Variants in RORA observed in about 807,000 individuals in gnomAD.
RORA encodes nuclear receptor ROR-alpha.
Under a neutral mutation model 69.5 loss-of-function variants are expected in RORA, and 7 were observed. The observed-to-expected ratio is 0.10, with a 90% confidence interval of 0.06 to 0.19. The LOEUF is 0.19. Among genes scored for constraint, RORA ranks in the 10% least tolerant of loss-of-function variants. The probability of loss-of-function intolerance (pLI) is 1.00; values close to 1 mark genes in which losing one functional copy is unlikely to be tolerated. For synonymous variants in RORA, 261 were observed against 240.8 expected (o/e 1.08, Z -0.78); for missense variants, 457 against 663.0 (o/e 0.69, Z 3.41).
At chr15:61,177,773 C>T (rs2079643700) in intron 1 of RORA, among the ~76,000 whole-genome samples, 1 of 152,010 alleles carries the variant, frequency 6.6e-6, no homozygotes, top group Non-Finnish European at 1.5e-5. Context: ...CCAGCCTGAT[C>T]AAGATGGTGA....
chr15:60,630,792 C>A (rs1197540781), intron 2 of RORA, among the ~76,000 whole-genome samples: 3 of 152,094 alleles, frequency 2.0e-5, no homozygotes, highest in Non-Finnish European at 4.4e-5. Flanking sequence ...CCTGTCCAAG[C>A]CCTTCATTTG....
At chr15:60,516,107 ATTATAT>A (rs2065911009) in intron 3 of RORA, among the ~76,000 whole-genome samples, 1 of 61,506 alleles carries the variant, frequency 1.6e-5, no homozygotes, top group African/African-American at 5.7e-5. Context: ...ATATTTATAT[ATTATAT>A]TATATATATT....
At chr15:60,507,567 A>C (rs1281444689) in intron 5 of RORA, among the ~76,000 whole-genome samples, 1 of 152,242 alleles carries the variant, frequency 6.6e-6, no homozygotes, top group Admixed American at 6.5e-5. Flanking sequence ...AGAGTGAGAG[A>C]GAGAAGCCAG....
intron 1 of RORA, among the ~76,000 whole-genome samples, chr15:60,852,033 T>G (rs1487609700): frequency 6.6e-6 from 1 of 152,210 alleles, no homozygotes; most frequent in Non-Finnish European, 1.5e-5. Context: ...CAAGCAACAC[T>G]ATTGTGACTT....
intron 1 of RORA, among the ~76,000 whole-genome samples, chr15:60,756,883 C>A (rs993557286): frequency 1.2e-4 from 19 of 152,176 alleles, no homozygotes; most frequent in African/African-American, 4.1e-4. Context: ...TCATTTCTTA[C>A]ATAATTAAAG....
chr15:60,636,304 C>A (rs574463543), intron 2 of RORA, among the ~76,000 whole-genome samples: 1 of 152,112 alleles, frequency 6.6e-6, no homozygotes, highest in Non-Finnish European at 1.5e-5. Context: ...TGCTTACATT[C>A]CCCTGGCTTT....
chr15:60,822,252 A>T lies in RORA; in HGVS notation c.167-143566T>A, dbSNP rs113856262. ...CCTAGTTCAAGAGCCTCATTTTGCA[A>T]AGGAAGAAGTTGTAGCCCAAGGAGT... On this transcript the variant is annotated intron_variant, in intron 1 of 10. Transcript: ENST00000335670. 1.5e-3 allele frequency among the ~76,000 whole-genome samples: 235 copies of T among 152,278 alleles called. 3 individuals are homozygous for T. Among genetic ancestry groups the T allele is most frequent in the African/African-American group, 5.3e-3 (221 of 41,554 alleles).
chr15:60,869,447 T>C (rs2073528012), intron 1 of RORA, among the ~76,000 whole-genome samples: 1 of 152,186 alleles, frequency 6.6e-6, no homozygotes, highest in Non-Finnish European at 1.5e-5. Context: ...GTCTCAATAA[T>C]GCAGGGCATG....
At chr15:60,870,335 G>A (rs2073541105) in intron 1 of RORA, among the ~76,000 whole-genome samples, 1 of 152,200 alleles carries the variant, frequency 6.6e-6, no homozygotes, top group African/African-American at 2.4e-5. Context: ...ACCAGAGAGT[G>A]AAAAGTGCAC....
chr15:61,193,774 A>G (rs1452717891), intron 1 of RORA, among the ~76,000 whole-genome samples: 3 of 152,196 alleles, frequency 2.0e-5, no homozygotes, highest in African/African-American at 7.2e-5. Flanking sequence ...GAGAGGCTCA[A>G]TCATTTTCTC....
At chr15:60,625,887 C>A (rs1232325763) in intron 2 of RORA, among the ~76,000 whole-genome samples, 2 of 152,156 alleles carry the variant, frequency 1.3e-5, no homozygotes, top group Non-Finnish European at 2.9e-5. Context: ...ACCTATGTGT[C>A]CTATTCAGAA....
At chr15:60,946,780 G>C (rs1203312149) in intron 1 of RORA, among the ~76,000 whole-genome samples, 4 of 151,936 alleles carry the variant, frequency 2.6e-5, no homozygotes, top group African/African-American at 9.7e-5. Context: ...TCTGGGAAGT[G>C]AGGAGCACCT....
At chr15:60,903,648 G>A (rs16943299) in intron 1 of RORA, among the ~76,000 whole-genome samples, 10,855 of 152,118 alleles carry the variant, frequency 0.071, 781 homozygotes, top group East Asian at 0.19. Flanking sequence ...ATTTTACACC[G>A]TGCTAGCCCA....
chr15:61,066,225 C>G (rs980275816), intron 1 of RORA, among the ~76,000 whole-genome samples: 1 of 152,038 alleles, frequency 6.6e-6, no homozygotes, highest in Non-Finnish European at 1.5e-5. Context: ...GGTAGACAGG[C>G]ATTGTGGAAC....
chr15:60,696,595 A>C (rs1317343601), intron 1 of RORA, among the ~76,000 whole-genome samples: 4 of 152,092 alleles, frequency 2.6e-5, no homozygotes, highest in African/African-American at 9.7e-5. Context: ...GACAGTCTAC[A>C]TGGCTCATAT....
intron 1 of RORA, among the ~76,000 whole-genome samples, chr15:61,202,071 G>A (rs562971945): frequency 2.7e-5 from 4 of 148,646 alleles, no homozygotes; most frequent in East Asian, 4.0e-4. Context: ...GCAGTGGTGC[G>A]ATCTCAGCTT....
chr15:60,609,699 G>T (rs546034302), intron 2 of RORA, among the ~76,000 whole-genome samples: 1 of 152,138 alleles, frequency 6.6e-6, no homozygotes, highest in East Asian at 1.9e-4. Flanking sequence ...CATGATACAC[G>T]AATCCTCATC....
At chr15:61,103,833 G>C (rs772540174) in intron 1 of RORA, among the ~76,000 whole-genome samples, 1 of 151,758 alleles carries the variant, frequency 6.6e-6, no homozygotes, top group Non-Finnish European at 1.5e-5. Flanking sequence ...AATGTGCCCT[G>C]CCACTTGGAC....
rs147833244 is a variant in RORA, at chr15:60,859,156, C to A, written c.167-180470G>T. On this transcript the variant is annotated intron_variant, in intron 1 of 10. Coordinates refer to ENST00000335670, the MANE Select transcript of RORA (RefSeq NM_134261.3). ...TGCTCACCTGCTCACCTCTAAGACC[C>A]AGTTCAGGGCTCCCACAGGATCCAT... Among the ~76,000 whole-genome samples the A allele has an allele frequency of 8.9e-3, 1,357 of 152,232 alleles. 17 individuals are homozygous for A. Among genetic ancestry groups the A allele is most frequent in the Middle Eastern group, 0.078 (23 of 294 alleles).
Sources: gnomAD v4.1 joint callset for allele counts (sites outside exome capture counted in the v4.1 genomes callset) on GRCh38, gnomAD v4.1.1 for gene constraint, MANE v1.5 for transcripts, NCBI Gene and HGNC (gene_info 2026-07-23, HGNC 2026-07-21) for gene names.